The following WDR17 variants were observed in gnomAD, a reference collection of about 807,000 sequenced individuals.
WDR17 encodes WD repeat domain 17, also known as WD repeat-containing protein 17.
Under a neutral mutation model 161.7 loss-of-function variants are expected in WDR17, and 143 were observed. The ratio of observed to expected loss-of-function variants is 0.88; its 90% CI spans 0.77 to 1.02. The LOEUF (loss-of-function observed/expected upper bound fraction) is 1.02. WDR17 is among the 50% of genes least tolerant of loss of function. WDR17 has a pLI of 0.00. For synonymous variants in WDR17, 517 were observed against 515.6 expected, an observed-to-expected ratio of 1.00 and a Z score of -0.04; for missense variants, 1,469 against 1,520.9, an observed-to-expected ratio of 0.97 and a Z score of 0.57.
rs747851025 is a variant in WDR17 at position 176,179,416 on chromosome 4, A to G, written c.3733-44A>G. On this transcript the variant is annotated intron_variant, in intron 28 of 28. Transcript: ENST00000508596. ...TCTGAAAGTTTAAAAATACTTTGCA[A>G]ATTTATAATCTCATCTTCTCTTTCC... 4 of 1,418,642 alleles carry G rather than the reference A, an allele frequency of 2.8e-6. No individual in the cohort carries two copies. The South Asian group carries it at 5.3e-5, about 19-fold the overall frequency. 87.9% of individuals were successfully genotyped at this position (1,418,642 alleles called of 1,614,324 possible).
chr4:176,066,892 A>G (rs1222609425), intron 1 of WDR17, among the ~76,000 whole-genome samples: 3 of 152,230 alleles, frequency 2.0e-5, no homozygotes, highest in Admixed American at 2.0e-4. Context: ...GAAACGGCCA[A>G]AGCCCAACAA....
At chr4:176,103,855 G>T (rs1437681438) in intron 1 of WDR17, among the ~76,000 whole-genome samples, 1 of 151,920 alleles carries the variant, frequency 6.6e-6, no homozygotes, top group Non-Finnish European at 1.5e-5. Flanking sequence ...GAGAATATTT[G>T]AAGGAATAAT....
intron 13 of WDR17, among the ~76,000 whole-genome samples, chr4:176,149,222 T>A (rs1746695305): frequency 6.6e-6 from 1 of 150,946 alleles, no homozygotes; most frequent in Non-Finnish European, 1.5e-5. Flanking sequence ...GACCATTTGC[T>A]TTCTAATAAT....
intron 1 of WDR17, among the ~76,000 whole-genome samples, chr4:176,101,378 T>G (rs1302704007): frequency 6.6e-6 from 1 of 152,126 alleles, no homozygotes; most frequent in Non-Finnish European, 1.5e-5. Context: ...CTTTCTTTTA[T>G]GTAGTTCATC....
intron 1 of WDR17, among the ~76,000 whole-genome samples, chr4:176,108,337 G>A (rs960509444): frequency 1.3e-5 from 2 of 152,028 alleles, no homozygotes; most frequent in African/African-American, 4.8e-5. Flanking sequence ...GCTACATAAT[G>A]TACAGTTCCA....
rs187091803 is a variant in WDR17, at chr4:176,141,322, C to T, written c.1443-661C>T. 2.0e-5 allele frequency among the ~76,000 whole-genome samples: 3 copies of T among 152,218 alleles called. No homozygotes were observed. The East Asian group carries it at 5.8e-4, about 29-fold the overall frequency. On this transcript the variant is annotated intron_variant, in intron 10 of 28. Transcript: ENST00000508596. ...CAACTTCATAAATAGTTGTTTTAAA[C>T]ACTATAAATTTTGAACTACCTCATT...
intron 22 of WDR17, among the ~76,000 whole-genome samples, chr4:176,167,661 A>AAAAACAAAAC (rs767634184): frequency 2.6e-5 from 3 of 113,776 alleles, no homozygotes; most frequent in African/African-American, 9.7e-5. Flanking sequence ...AAAAAAAAAA[A>AAAAACAAAAC]AAAAAAAAAA....
rs1465417933 is a variant in WDR17, at chr4:176,181,416, G to C, written c.*1837G>C. The C allele has an allele frequency of 5.3e-6, 1 of 189,600 alleles. No individual in the cohort carries two copies. Among genetic ancestry groups the C allele is most frequent in the Non-Finnish European group, 1.0e-5 (1 of 96,126 alleles). 11.7% of individuals were successfully genotyped at this position (189,600 alleles called of 1,614,324 possible). A position where few individuals can be genotyped will look rare whatever the true frequency, so the allele number is the denominator to read the frequency against. ...CAGGAGGCGGAGGTTGCAGTGAGCT[G>C]AGATCGCACTACTGCACTCCAGCCT... On this transcript the variant is annotated 3_prime_UTR_variant, in exon 29 of 29. Coordinates refer to ENST00000508596, the MANE Select transcript of WDR17 (RefSeq NM_181265.4).
intron 1 of WDR17, among the ~76,000 whole-genome samples, chr4:176,100,333 T>G (rs1737619673): frequency 6.6e-6 from 1 of 152,202 alleles, no homozygotes; most frequent in Admixed American, 6.6e-5. Context: ...TGATGATCAG[T>G]GATGTTGAGC....
intron 17 of WDR17, among the ~76,000 whole-genome samples, chr4:176,153,265 A>G (rs1234921538): frequency 6.6e-6 from 1 of 152,218 alleles, no homozygotes; most frequent in Non-Finnish European, 1.5e-5. Flanking sequence ...TCCGCTTGCT[A>G]ATACTACTTG....
intron 4 of WDR17, among the ~76,000 whole-genome samples, chr4:176,124,337 C>G (rs529144268): frequency 2.0e-5 from 3 of 152,040 alleles, no homozygotes; most frequent in African/African-American, 7.2e-5. Flanking sequence ...TTACAAAGAA[C>G]AAGAAGTTTG....
intron 9 of WDR17, 99 bp downstream of exon 9, chr4:176,137,710 ATCAG>A: frequency 1.6e-6 from 1 of 632,006 alleles, no homozygotes; most frequent in Non-Finnish European, 2.3e-6. Flanking sequence ...TCACTTAATA[ATCAG>A]GTGGTATGTG....
intron 10 of WDR17, among the ~76,000 whole-genome samples, chr4:176,141,723 G>A (rs1192749161): frequency 6.6e-5 from 10 of 152,144 alleles, no homozygotes; most frequent in East Asian, 3.8e-4. Flanking sequence ...ATGAGCCACC[G>A]TGCCCGGCCA....
intron 1 of WDR17, among the ~76,000 whole-genome samples, chr4:176,099,175 C>T (rs1032545152): frequency 2.0e-5 from 3 of 152,004 alleles, no homozygotes; most frequent in Admixed American, 6.6e-5. Flanking sequence ...AAAAATTGAA[C>T]GCATTGAAAA....
rs1561204086 is a variant in WDR17, at chr4:176,163,217, C to T, written c.2914C>T (p.Leu972=). 3.1e-6 allele frequency: 5 copies of T among 1,614,038 alleles called. No individual in the cohort carries two copies. The South Asian group carries it at 3.3e-5, about 11-fold the overall frequency. The change falls in exon 22 of 29, where the codon CTA becomes TTA. Residue 972 remains leucine, a synonymous_variant. Transcript: ENST00000508596. ...LELAVCVGTV[L]GESAAPATHY... is the part of the protein sequence containing the mutation. ...GTTGGCAGTCTGTGTGGGCACAGTA[C>T]TAGGAGAGTCTGCAGCACCAGCAAC... is the stretch of plus-strand genomic sequence containing the variant.
intron 1 of WDR17, among the ~76,000 whole-genome samples, chr4:176,078,170 C>T (rs1021941706): frequency 2.3e-4 from 35 of 151,972 alleles, no homozygotes; most frequent in African/African-American, 8.0e-4. Flanking sequence ...TTTTAAATCC[C>T]TTTGCCTACT....
intron 9 of WDR17, 101 bp from the exon 10 acceptor site, chr4:176,139,791 G>C (rs1159340539): frequency 2.0e-5 from 19 of 939,300 alleles, no homozygotes; most frequent in Non-Finnish European, 2.1e-5. Context: ...GTCATCTAAA[G>C]CACATTCCTA....
At chr4:176,146,452 G>C (rs1428560197) in intron 12 of WDR17, among the ~76,000 whole-genome samples, 1 of 152,092 alleles carries the variant, frequency 6.6e-6, no homozygotes. Flanking sequence ...AAATAATTAG[G>C]AGATTTCTGT....
intron 16 of WDR17, 96 bp from the exon 17 acceptor site, chr4:176,151,716 C>G (rs1481653028): frequency 4.5e-6 from 5 of 1,114,428 alleles, no homozygotes; most frequent in Non-Finnish European, 6.3e-6. Context: ...CAATTCCGCT[C>G]TATTAGTTAT....
Sources: allele counts gnomAD v4.1 joint callset (sites outside exome capture counted in the v4.1 genomes callset), GRCh38; gene constraint gnomAD v4.1.1; transcripts MANE v1.5; gene names NCBI Gene and HGNC (gene_info 2026-07-23, HGNC 2026-07-21).